The following EPHX2 variants were observed in gnomAD, a reference collection of about 807,000 sequenced individuals.
EPHX2 encodes bifunctional epoxide hydrolase 2.
A neutral mutation model predicts 78.7 loss-of-function variants in EPHX2; 74 were observed. The ratio of observed to expected loss-of-function variants is 0.94; its 90% CI spans 0.78 to 1.14. The LOEUF (loss-of-function observed/expected upper bound fraction) is 1.14, where lower values mean the gene tolerates loss of function less well. Among genes scored for constraint, EPHX2 ranks in the 50% most tolerant of loss-of-function variants. EPHX2 has a pLI of 0.00. For missense variants in EPHX2, 715 were observed against 702.5 expected, an observed-to-expected ratio of 1.02 and a Z score of -0.20; for synonymous variants, 251 against 255.2, an observed-to-expected ratio of 0.98 and a Z score of 0.16.
At chr8:27,520,816 C>G (rs1226858462) in intron 9 of EPHX2, 67 bp from the exon 10 acceptor site, 3 of 1,600,418 alleles carry the variant, frequency 1.9e-6, no homozygotes, top group Non-Finnish European at 2.6e-6. Context: ...CGCAGTTCAG[C>G]CCATCATAAA....
rs2132744840 is a variant in EPHX2, at chr8:27,515,707, C to T, written c.736-11C>T. The T allele has an allele frequency of 6.2e-7, 1 of 1,612,992 alleles. No individual in the cohort carries two copies. Among genetic ancestry groups the T allele is most frequent in the East Asian group, 2.2e-5 (1 of 44,876 alleles). On this transcript the variant is annotated splice_polypyrimidine_tract_variant and intron_variant, in intron 6 of 18. Coordinates refer to ENST00000521400, the MANE Select transcript of EPHX2 (RefSeq NM_001979.6). ...GCTTGGTCGCTGCCCTCTCCTCTTT[C>T]CCTTCCACAGCCCAGGGTCCGTCTG...
chr8:27,514,508 A>G (rs972890699), intron 6 of EPHX2, among the ~76,000 whole-genome samples: 3 of 152,182 alleles, frequency 2.0e-5, no homozygotes, highest in Admixed American at 6.5e-5. Context: ...GGACCCCACC[A>G]TAACAGTCAA....
At chr8:27,491,372 C>G in intron 1 of EPHX2, 63 bp downstream of exon 1, 3 of 1,240,152 alleles carry the variant, frequency 2.4e-6, no homozygotes, top group Non-Finnish European at 3.2e-6. Context: ...CCGCGCTGGG[C>G]TTGCAGCCCA....
chr8:27,545,729 C>A (rs372444223), downstream of EPHX2, among the ~76,000 whole-genome samples: 1 of 152,204 alleles, frequency 6.6e-6, no homozygotes, highest in Admixed American at 6.5e-5. Flanking sequence ...CACAGATGCA[C>A]GCACAATGGC....
chr8:27,513,639 G>T (rs1341040645), intron 6 of EPHX2, among the ~76,000 whole-genome samples: 1 of 152,078 alleles, frequency 6.6e-6, no homozygotes, highest in Admixed American at 6.6e-5. Context: ...ATCTTTCTGT[G>T]TTCTGGCTTT....
intron 11 of EPHX2, among the ~76,000 whole-genome samples, chr8:27,522,839 T>TAC (rs796207445): frequency 2.0e-5 from 3 of 151,952 alleles, no homozygotes; most frequent in African/African-American, 7.2e-5. Context: ...CGTGCACCTA[T>TAC]ACTCCCAGCT....
At chr8:27,542,174 AAC>A (rs1175630705) in intron 16 of EPHX2, among the ~76,000 whole-genome samples, 16 of 152,126 alleles carry the variant, frequency 1.1e-4, no homozygotes, top group Non-Finnish European at 1.5e-4. Flanking sequence ...TCTGTAAGTG[AAC>A]ACACTGCTAC....
At position 27,544,217 on chromosome 8, in the gene EPHX2, A is replaced by T; in HGVS notation, c.1562A>T (p.Asp521Val). 6.2e-7 allele frequency: 1 copy of T among 1,614,114 alleles called. No individual in the cohort carries two copies. ...IPHLKRGHIEDCGHWTQMDKP... is the reference protein window; with the variant it reads ...IPHLKRGHIEVCGHWTQMDKP... ...CACCTGAAAAGGGGACACATTGAGG[A>T]CTGTGGGCACTGGACACAGATGGAC... The change falls in exon 18 of 19, where the codon GAC (aspartate) becomes GTC (valine). Residue 521 changes from aspartate to valine, a missense_variant. By Grantham distance (152) the Asp-to-Val change is radical. Transcript: ENST00000521400.
At chr8:27,498,188 A>G (rs1325288619) in intron 1 of EPHX2, among the ~76,000 whole-genome samples, 1 of 152,226 alleles carries the variant, frequency 6.6e-6, no homozygotes, top group African/African-American at 2.4e-5. Flanking sequence ...AGAAGGGGAT[A>G]TATACCCAGG....
intron 6 of EPHX2, among the ~76,000 whole-genome samples, chr8:27,513,976 C>A (rs558453006): frequency 3.9e-5 from 6 of 152,328 alleles, no homozygotes; most frequent in African/African-American, 1.2e-4. Context: ...GCCAGATGCC[C>A]ACCTAATGTT....
Position 27,518,065 on chromosome 8 carries a change from TATGTA to T in EPHX2, c.940_944del (p.Cys314GlyfsTer8). The T allele has an allele frequency of 4.4e-6, 7 of 1,600,090 alleles. No homozygotes were observed. The highest frequency in any genetic ancestry group is 6.0e-6 in the Non-Finnish European group (7 of 1,175,452). ...ATAGAAGAATATTGCATGGAAGTGT[TATGTA>T]AGGTAAGAAGAATCTTGGGTAACAT... On this transcript the variant is annotated frameshift_variant and splice_region_variant, in exon 9 of 19. Coordinates refer to ENST00000521400, the MANE Select transcript of EPHX2 (RefSeq NM_001979.6). LOFTEE classifies it high-confidence loss of function.
intron 9 of EPHX2, among the ~76,000 whole-genome samples, chr8:27,519,717 G>A (rs949384492): frequency 6.6e-6 from 1 of 152,202 alleles, no homozygotes; most frequent in Admixed American, 6.5e-5. Context: ...AACAATAGAC[G>A]TTTGTTTTCT....
intron 12 of EPHX2, among the ~76,000 whole-genome samples, chr8:27,527,928 C>T (rs1282623041): frequency 6.6e-6 from 1 of 152,118 alleles, no homozygotes; most frequent in Non-Finnish European, 1.5e-5. Flanking sequence ...CCCAACTGGC[C>T]CAAGACCAGG....
At position 27,511,833 on chromosome 8, in the gene EPHX2, C is replaced by T. The variant is rs1185414274; in HGVS notation, c.661-3C>T. The T allele has an allele frequency of 2.5e-6, 4 of 1,614,136 alleles. No homozygotes were observed. In the Admixed American group the frequency reaches 5.0e-5, roughly 20 times the overall value. ...TCTCTCACTATACCTTTCCTGCTTACAGCTTCTCAATACCCCGGCCCCTCT... is the reference window on the plus strand; with the variant it reads ...TCTCTCACTATACCTTTCCTGCTTATAGCTTCTCAATACCCCGGCCCCTCT... On this transcript the variant is annotated splice_polypyrimidine_tract_variant and splice_region_variant and intron_variant, in intron 5 of 18. Transcript: ENST00000521400.
At chr8:27,525,103 T>TGG (rs1427610372) in intron 11 of EPHX2, among the ~76,000 whole-genome samples, 12 of 131,388 alleles carry the variant, frequency 9.1e-5, no homozygotes, top group African/African-American at 4.1e-4. Flanking sequence ...TGTGTGTGTG[T>TGG]GTGTGCGCGC....
chr8:27,491,227 G>C lies in EPHX2; in HGVS notation c.19G>C (p.Val7Leu), dbSNP rs755984255. 4 of 1,584,058 alleles carry C rather than the reference G, an allele frequency of 2.5e-6. No individual in the cohort carries two copies. In the Admixed American group the frequency reaches 5.1e-5, roughly 20 times the overall value. ...CGCCGCCATGACGCTGCGCGCGGCC[G>C]TCTTCGACCTTGACGGGGTGCTGGC... MTLRAA[V>L]FDLDGVLALP... Residue 7 changes from valine to leucine, a missense_variant, in exon 1 of 19, where the codon GTC becomes CTC. Val to Leu is a conservative substitution (Grantham distance 32). Coordinates refer to ENST00000521400, the MANE Select transcript of EPHX2 (RefSeq NM_001979.6).
chr8:27,511,519 C>G (rs891579521), intron 5 of EPHX2, among the ~76,000 whole-genome samples: 5 of 152,214 alleles, frequency 3.3e-5, no homozygotes, highest in Non-Finnish European at 7.3e-5. Context: ...ACTGGACACC[C>G]AGCTGGAAGA....
chr8:27,531,097 C>G (rs1364791117), intron 12 of EPHX2, among the ~76,000 whole-genome samples: 1 of 152,186 alleles, frequency 6.6e-6, no homozygotes, highest in Non-Finnish European at 1.5e-5. Flanking sequence ...ATGGAGGAAA[C>G]CCTTGGCAGG....
At chr8:27,541,231 G>A (rs994545387) in intron 15 of EPHX2, among the ~76,000 whole-genome samples, 1 of 152,182 alleles carries the variant, frequency 6.6e-6, no homozygotes, top group African/African-American at 2.4e-5. Context: ...TGTCCCAAAA[G>A]CCAACCTAGA....
Sources: allele counts gnomAD v4.1 joint callset (sites outside exome capture counted in the v4.1 genomes callset), GRCh38; gene constraint gnomAD v4.1.1; transcripts MANE v1.5; gene names NCBI Gene and HGNC (gene_info 2026-07-23, HGNC 2026-07-21).